The following SEMA3C variants were observed in gnomAD, a reference collection of about 807,000 sequenced individuals.
The protein encoded by SEMA3C is semaphorin 3C.
A neutral mutation model predicts 89.4 loss-of-function variants in SEMA3C; 47 were observed. The observed-to-expected ratio is 0.53, with a 90% CI of 0.42 to 0.67. SEMA3C has a LOEUF of 0.67. Among genes scored for constraint, SEMA3C ranks in the 30% least tolerant of loss-of-function variants. SEMA3C has a pLI of 0.00. For missense variants in SEMA3C, 839 were observed against 929.1 expected, an observed-to-expected ratio of 0.90 and a Z score of 1.26; for synonymous variants, 310 against 320.2, an observed-to-expected ratio of 0.97 and a Z score of 0.34.
At chr7:80,767,450 T>A (rs1014430396) in intron 12 of SEMA3C, among the ~76,000 whole-genome samples, 2 of 152,242 alleles carry the variant, frequency 1.3e-5, no homozygotes, top group Non-Finnish European at 2.9e-5. Context: ...ACAAGTCATG[T>A]AAACATTATG....
intron 1 of SEMA3C, among the ~76,000 whole-genome samples, chr7:80,917,566 A>T (rs545741825): frequency 1.3e-5 from 2 of 152,350 alleles, no homozygotes; most frequent in African/African-American, 4.8e-5. Context: ...TAAATCAAAG[A>T]GACAGGTGTC....
chr7:80,820,655 A>G (rs946610066), intron 4 of SEMA3C, among the ~76,000 whole-genome samples: 5 of 152,126 alleles, frequency 3.3e-5, no homozygotes, highest in African/African-American at 1.2e-4. Context: ...GACATTAAGG[A>G]TTTTTGTTAA....
In SEMA3C at chr7:80,903,348, A is replaced by G. The variant is rs193041300; in HGVS notation, c.103+13331T>C. ...AAACATATCTAAACATAGAAAAGGT[A>G]CAGTAAAAATGTAGTATAATAATCT... On this transcript the variant is annotated intron_variant, in intron 2 of 17. Transcript: ENST00000265361. Among the ~76,000 whole-genome samples, 3 of 152,284 alleles carry G rather than the reference A, an allele frequency of 2.0e-5. No individual in the cohort carries two copies. The East Asian group carries it at 5.8e-4, about 29-fold the overall frequency.
upstream of SEMA3C, chr7:80,919,296 A>G: frequency 3.0e-6 from 3 of 984,006 alleles, no homozygotes; most frequent in Non-Finnish European, 3.6e-6. Flanking sequence ...CAGACGCAAG[A>G]ATGCGCGGCC....
intron 2 of SEMA3C, among the ~76,000 whole-genome samples, chr7:80,869,393 A>T (rs1212353444): frequency 6.6e-6 from 1 of 152,222 alleles, no homozygotes; most frequent in Non-Finnish European, 1.5e-5. Context: ...TAAAGATACA[A>T]ATTTGCTGTG....
chr7:80,751,525 A>T (rs888189606), intron 15 of SEMA3C, among the ~76,000 whole-genome samples, 189 bp from the exon 16 acceptor site: 2 of 151,978 alleles, frequency 1.3e-5, no homozygotes, highest in African/African-American at 4.8e-5. Context: ...GAGGGGGGGT[A>T]CTTATCTTTG....
chr7:80,891,081 G>A (rs998076665), intron 2 of SEMA3C, among the ~76,000 whole-genome samples: 6 of 151,992 alleles, frequency 3.9e-5, no homozygotes, highest in South Asian at 2.1e-4. Flanking sequence ...CAGTCTGCTC[G>A]CTTCTGCCCT....
intron 2 of SEMA3C, among the ~76,000 whole-genome samples, chr7:80,848,509 G>A (rs999714323): frequency 1.3e-5 from 2 of 152,098 alleles, no homozygotes; most frequent in African/African-American, 2.4e-5. Flanking sequence ...TGAAGGTCAC[G>A]TCATGGTGCC....
intron 2 of SEMA3C, among the ~76,000 whole-genome samples, chr7:80,878,887 A>G (rs1172915071): frequency 6.6e-6 from 1 of 152,170 alleles, no homozygotes; most frequent in Admixed American, 6.5e-5. Flanking sequence ...TAGAAAAAAA[A>G]GTTGTTATAG....
intron 11 of SEMA3C, among the ~76,000 whole-genome samples, chr7:80,795,657 T>A (rs150058373): frequency 3.9e-5 from 6 of 152,340 alleles, no homozygotes; most frequent in African/African-American, 1.4e-4. Context: ...TTCCTACATT[T>A]TATGTAGAAC....
At chr7:80,755,869 T>C (rs1788054126) in intron 15 of SEMA3C, among the ~76,000 whole-genome samples, 4 of 152,112 alleles carry the variant, frequency 2.6e-5, no homozygotes, top group Admixed American at 2.6e-4. Context: ...CATATTAAGA[T>C]GAAAGATCAC....
chr7:80,774,146 T>C (rs1788494744), intron 12 of SEMA3C, among the ~76,000 whole-genome samples: 1 of 152,180 alleles, frequency 6.6e-6, no homozygotes, highest in Admixed American at 6.5e-5. Context: ...GCTTTAAGCA[T>C]ATGCATTCAA....
At chr7:80,780,751 G>A (rs1788673651) in intron 12 of SEMA3C, among the ~76,000 whole-genome samples, 1 of 152,038 alleles carries the variant, frequency 6.6e-6, no homozygotes, top group African/African-American at 2.4e-5. Context: ...AGGCGCGGTG[G>A]TGTGCACCTG....
intron 13 of SEMA3C, among the ~76,000 whole-genome samples, chr7:80,763,489 C>T (rs942205730): frequency 1.3e-5 from 2 of 152,258 alleles, no homozygotes; most frequent in East Asian, 1.9e-4. Context: ...ATGTCCCCCA[C>T]GTGCATTCTG....
At chr7:80,913,055 T>C (rs1792189397) in intron 2 of SEMA3C, among the ~76,000 whole-genome samples, 1 of 152,118 alleles carries the variant, frequency 6.6e-6, no homozygotes, top group Non-Finnish European at 1.5e-5. Context: ...TTTGGCAGCT[T>C]TATTACTAAA....
intron 11 of SEMA3C, among the ~76,000 whole-genome samples, chr7:80,793,784 G>A (rs1788998181): frequency 6.8e-6 from 1 of 146,556 alleles, no homozygotes; most frequent in Non-Finnish European, 1.5e-5. Context: ...GGTAGGAGGT[G>A]AGGCTGAAGA....
chr7:80,866,738 T>C (rs1345939321), intron 2 of SEMA3C, among the ~76,000 whole-genome samples: 2 of 152,200 alleles, frequency 1.3e-5, no homozygotes, highest in Non-Finnish European at 1.5e-5. Flanking sequence ...AAAAAAATCA[T>C]TCAACATAAG....
chr7:80,872,783 G>A (rs1373892298), intron 2 of SEMA3C, among the ~76,000 whole-genome samples: 3 of 124,780 alleles, frequency 2.4e-5, no homozygotes, highest in Non-Finnish European at 1.6e-5. Flanking sequence ...CCTGGCAACA[G>A]AGCGAGACTC....
chr7:80,839,965 G>A (rs1321894631), intron 2 of SEMA3C, among the ~76,000 whole-genome samples: 1 of 152,086 alleles, frequency 6.6e-6, no homozygotes, highest in Non-Finnish European at 1.5e-5. Context: ...CATATTGTGG[G>A]CTTCCAGTGG....
Sources: allele counts gnomAD v4.1 joint callset (sites outside exome capture counted in the v4.1 genomes callset), GRCh38; gene constraint gnomAD v4.1.1; transcripts MANE v1.5; gene names NCBI Gene and HGNC (gene_info 2026-07-23, HGNC 2026-07-21).